The following ALG13 variants were observed in gnomAD, a reference collection of about 807,000 sequenced individuals.
ALG13 encodes the protein UDP-N-acetylglucosamine transferase subunit ALG13.
ALG13 carries 11 observed loss-of-function variants against 87.8 expected under a neutral mutation model. The observed-to-expected ratio is 0.13, with a 90% CI of 0.08 to 0.21. The LOEUF (loss-of-function observed/expected upper bound fraction) is 0.21. Among genes scored for constraint, ALG13 ranks in the 10% least tolerant of loss-of-function variants. The probability of loss-of-function intolerance (pLI) is 1.00; values close to 1 mark genes in which losing one functional copy is unlikely to be tolerated. For synonymous variants in ALG13, 320 were observed against 306.3 expected (o/e 1.04, Z -0.47); for missense variants, 756 against 866.1 (o/e 0.87, Z 1.60).
intron 12 of ALG13, among the ~76,000 whole-genome samples, chrX:111,722,487 T>A (rs1323025484): frequency 1.8e-5 from 2 of 112,326 alleles, no homozygotes; most frequent in Non-Finnish European, 3.8e-5. Context: ...AATAGGTTGA[T>A]TTGAGAAGCT....
intron 26 of ALG13, 34 bp downstream of exon 26, chrX:111,757,796 C>G (rs1238286488): frequency 8.6e-7 from 1 of 1,168,001 alleles, no homozygotes; most frequent in Non-Finnish European, 1.2e-6. Flanking sequence ...GCAAGAAAGA[C>G]AGTTGGATTT....
intron 25 of ALG13, among the ~76,000 whole-genome samples, chrX:111,756,567 CTT>C (rs1342528154): frequency 2.7e-5 from 3 of 111,443 alleles, no homozygotes; most frequent in African/African-American, 6.5e-5. Flanking sequence ...GGTGAGAGCT[CTT>C]TTATTTTAGT....
intron 2 of ALG13, among the ~76,000 whole-genome samples, chrX:111,684,198 G>A (rs750677903): frequency 1.1e-4 from 12 of 112,235 alleles, no homozygotes; most frequent in Non-Finnish European, 2.3e-4. Context: ...AGATGATTTT[G>A]CCCAACCACA....
chrX:111,735,076 C>T lies in ALG13; in HGVS notation c.2483C>T (p.Ser828Phe). 2 of 1,190,628 alleles carry T rather than the reference C, an allele frequency of 1.7e-6. No individual in the cohort carries two copies. Among genetic ancestry groups the T allele is most frequent in the Non-Finnish European group, 2.3e-6 (2 of 878,266 alleles). ...NLSLQDRKSC[S>F]MSPQDTVTSY... The stretch of plus-strand genomic sequence containing the variant: ...TCTCTTCAGGACAGAAAGTCATGTT[C>T]TATGTCTCCTCAGGACACAGTTACC... Residue 828 changes from serine to phenylalanine, a missense_variant, in exon 22 of 27, where the codon TCT (serine) becomes TTT (phenylalanine). Ser to Phe is a radical substitution (Grantham distance 155). Around this residue, in one of 9 missense-constraint regions of ALG13, gnomAD observed 362 missense variants for 383.5 expected, o/e 0.94. Coordinates refer to ENST00000394780, the MANE Select transcript of ALG13 (RefSeq NM_001099922.3).
intron 19 of ALG13, among the ~76,000 whole-genome samples, chrX:111,730,171 A>G (rs368769459): frequency 1.8e-5 from 2 of 111,926 alleles, no homozygotes; most frequent in African/African-American, 3.2e-5. Flanking sequence ...TCTAAGAGCT[A>G]AGTGGATTTT....
At chrX:111,692,030 G>C (rs973650131) in intron 3 of ALG13, among the ~76,000 whole-genome samples, 3 of 111,620 alleles carry the variant, frequency 2.7e-5, no homozygotes, top group Admixed American at 9.5e-5. Flanking sequence ...GCTCCTAAAT[G>C]ATATTTCCAA....
intron 3 of ALG13, among the ~76,000 whole-genome samples, chrX:111,702,949 C>T (rs1274565651): frequency 9.0e-6 from 1 of 110,531 alleles, no homozygotes; most frequent in African/African-American, 3.3e-5. Flanking sequence ...CATTGTTTTC[C>T]GAATCCTAGT....
rs1424888064 is a variant in ALG13, at chrX:111,711,686, A to G, written c.846A>G (p.Gly282=). The change falls in exon 6 of 27, where the codon GGA becomes GGG. Residue 282 remains glycine, a synonymous_variant. Transcript: ENST00000394780. ...TTTTATTTTTGAAGTATGTGGAGGG[A>G]TCTTTTGAGAAATACCTGGAACGGT... The part of the protein sequence containing the change: ...NQQTFESYVE[G]SFEKYLERLG... 1 of 1,206,906 alleles carries G rather than the reference A, an allele frequency of 8.3e-7. No individual in the cohort carries two copies. Among genetic ancestry groups the G allele is most frequent in the Non-Finnish European group, 1.1e-6 (1 of 893,321 alleles).
chrX:111,725,584 C>CA (rs913746547), intron 15 of ALG13, among the ~76,000 whole-genome samples: 5 of 110,030 alleles, frequency 4.5e-5, no homozygotes, highest in Non-Finnish European at 9.5e-5. Context: ...TTGCATATTT[C>CA]AAAAAAACTA....
intron 3 of ALG13, chrX:111,688,490 T>C: frequency 1.3e-6 from 1 of 750,810 alleles, no homozygotes; most frequent in Non-Finnish European, 1.6e-6. Flanking sequence ...CTAAAAAAGA[T>C]GATCAAGTTA....
chrX:111,726,378 C>T (rs1191376464), intron 15 of ALG13, among the ~76,000 whole-genome samples: 6 of 108,559 alleles, frequency 5.5e-5, no homozygotes, highest in Non-Finnish European at 7.6e-5. Flanking sequence ...GGATTACAGG[C>T]GCACGTTACC....
At position 111,711,615 on chromosome X, in the gene ALG13, A is replaced by G. The variant is rs374421208; in HGVS notation, c.835-60A>G. On this transcript the variant is annotated intron_variant, in intron 5 of 26. Coordinates refer to ENST00000394780, the MANE Select transcript of ALG13 (RefSeq NM_001099922.3). ...AACGCATTGCAGGATAATGTAGAAT[A>G]TAATCAGATTTCAGTAATGCTGTGT... 11 of 1,053,575 alleles carry G rather than the reference A, an allele frequency of 1.0e-5. No individual in the cohort carries two copies. The African/African-American group carries it at 2.1e-4, about 20-fold the overall frequency. 86.8% of individuals were successfully genotyped at this position (1,053,575 alleles called of 1,213,427 possible). A position where few individuals can be genotyped will look rare whatever the true frequency, so the allele number is the denominator to read the frequency against.
chrX:111,717,005 G>A (rs983625658), intron 8 of ALG13: 2 of 109,405 alleles, frequency 1.8e-5, no homozygotes, highest in African/African-American at 6.7e-5. Flanking sequence ...CTATTCACAG[G>A]TGAGATCATA....
intron 3 of ALG13, 67 bp from the exon 4 acceptor site, chrX:111,707,960 C>T (rs1939074073): frequency 9.2e-7 from 1 of 1,091,084 alleles, no homozygotes; most frequent in African/African-American, 1.8e-5. Context: ...TCCCTCCCTC[C>T]CATGTCTCCT....
Position 111,744,680 on chromosome X carries a change from C to A in ALG13, c.2708C>A (p.Pro903Gln). The change falls in exon 24 of 27, where the codon CCA becomes CAA. Residue 903 changes from proline to glutamine, a missense_variant. This residue lies in a region of ALG13 where 362 missense variants were observed against 383.5 expected (regional missense o/e 0.94). Coordinates refer to ENST00000394780, the MANE Select transcript of ALG13 (RefSeq NM_001099922.3). ...PTHGRPVIAS[P>Q]SYPCHSAIPH... Reference sequence around the variant, plus strand: ...GTTTCTTTGTTAGTGATTGCCTCACCATCCTATCCATGCCATTCTGCTATT... The same window carrying A: ...GTTTCTTTGTTAGTGATTGCCTCACAATCCTATCCATGCCATTCTGCTATT... 8.4e-7 allele frequency: 1 copy of A among 1,185,446 alleles called. No homozygotes were observed. Among genetic ancestry groups the A allele is most frequent in the Non-Finnish European group, 1.1e-6 (1 of 884,188 alleles).
At chrX:111,722,053 G>A (rs1941452739) in intron 12 of ALG13, among the ~76,000 whole-genome samples, 1 of 111,476 alleles carries the variant, frequency 9.0e-6, no homozygotes, top group African/African-American at 3.3e-5. Flanking sequence ...TAGGCCTGTG[G>A]GTCAAATCTG....
At chrX:111,681,672 C>T (rs1933305908) in intron 1 of ALG13, 1 of 886,779 alleles carries the variant, frequency 1.1e-6, no homozygotes, top group South Asian at 3.7e-5. Flanking sequence ...TTCCTCAGGC[C>T]CCCCTGTGGA....
At chrX:111,690,705 C>T (rs1253107410) in intron 3 of ALG13, among the ~76,000 whole-genome samples, 3 of 110,195 alleles carry the variant, frequency 2.7e-5, no homozygotes, top group Non-Finnish European at 3.8e-5. Flanking sequence ...CCGCCCGCCT[C>T]GGCCTCCCAA....
intron 23 of ALG13, among the ~76,000 whole-genome samples, chrX:111,740,412 T>C (rs1317670061): frequency 9.0e-6 from 1 of 111,667 alleles, no homozygotes; most frequent in Non-Finnish European, 1.9e-5. Flanking sequence ...GAAGTATCAG[T>C]ATGAACTTGA....
Sources: gnomAD v4.1 joint callset for allele counts (sites outside exome capture counted in the v4.1 genomes callset) on GRCh38, gnomAD v4.1.1 for gene constraint, gnomAD v4.1.1 regional missense constraint, MANE v1.5 for transcripts, NCBI Gene and HGNC (gene_info 2026-07-23, HGNC 2026-07-21) for gene names.